The following GNG12 variants were observed in gnomAD, a reference collection of about 807,000 sequenced individuals.
GNG12 encodes guanine nucleotide-binding protein G(I)/G(S)/G(O) subunit gamma-12.
For missense variants in GNG12, 69 were observed against 83.8 expected (o/e 0.82, Z 0.69); for synonymous variants, 28 against 29.7 (o/e 0.94, Z 0.19).
At chr1:67,785,883 A>G (rs1216579479) in intron 1 of GNG12, among the ~76,000 whole-genome samples, 1 of 152,144 alleles carries the variant, frequency 6.6e-6, no homozygotes, top group Non-Finnish European at 1.5e-5. Flanking sequence ...TGATGCTTTT[A>G]TTTGCAAATT....
intron 1 of GNG12, among the ~76,000 whole-genome samples, chr1:67,809,860 T>G (rs982312801): frequency 1.3e-5 from 2 of 152,152 alleles, no homozygotes; most frequent in African/African-American, 4.8e-5. Flanking sequence ...GAAGACAGTT[T>G]GGCAGTTAAA....
intron 1 of GNG12, among the ~76,000 whole-genome samples, chr1:67,800,288 C>T (rs183220915): frequency 1.3e-4 from 20 of 152,218 alleles, no homozygotes; most frequent in Admixed American, 9.2e-4. Context: ...TCAGCAAAGT[C>T]GAAATATGGG....
intron 2 of GNG12, among the ~76,000 whole-genome samples, chr1:67,752,010 T>A (rs1646541529): frequency 6.6e-6 from 1 of 152,220 alleles, no homozygotes; most frequent in Admixed American, 6.5e-5. Flanking sequence ...CAGCAAGAGT[T>A]ATTACCAAGA....
At chr1:67,711,856 C>A (rs1321566310) in intron 2 of GNG12, among the ~76,000 whole-genome samples, 1 of 152,162 alleles carries the variant, frequency 6.6e-6, no homozygotes, top group Admixed American at 6.5e-5. Flanking sequence ...AAAAGCTGTA[C>A]ACTGGGCCAC....
intron 1 of GNG12, among the ~76,000 whole-genome samples, chr1:67,792,430 C>A (rs1570552896): frequency 5.3e-5 from 8 of 152,214 alleles, no homozygotes; most frequent in African/African-American, 1.9e-4. Flanking sequence ...TAAGATAAGG[C>A]ATGATTTTTA....
intron 2 of GNG12, among the ~76,000 whole-genome samples, chr1:67,756,649 C>A (rs1047772372): frequency 6.6e-6 from 1 of 152,118 alleles, no homozygotes; most frequent in Non-Finnish European, 1.5e-5. Context: ...TGTGATGTGA[C>A]GCTCCGCCTC....
At position 67,705,401 on chromosome 1, in the gene GNG12, C is replaced by A; in HGVS notation, c.*50G>T. Reference sequence around the variant, plus strand: ...GAAGGTAAATCTCTTCAAGGAGCTGCTCATAATTTGCGTTGTTGGGAAGAG... The same window carrying A: ...GAAGGTAAATCTCTTCAAGGAGCTGATCATAATTTGCGTTGTTGGGAAGAG... On this transcript the variant is annotated 3_prime_UTR_variant, in exon 4 of 4. Transcript: ENST00000370982. 1 of 1,602,176 alleles carries A rather than the reference C, an allele frequency of 6.2e-7. No individual in the cohort carries two copies. The highest frequency in any genetic ancestry group is 8.5e-7 in the Non-Finnish European group (1 of 1,175,062).
intron 1 of GNG12, among the ~76,000 whole-genome samples, chr1:67,810,527 T>G (rs560754066): frequency 6.6e-6 from 1 of 152,346 alleles, no homozygotes; most frequent in East Asian, 1.9e-4. Context: ...AGGAACTCTC[T>G]GTACTTTCTG....
At chr1:67,748,014 G>C (rs555250861) in intron 2 of GNG12, among the ~76,000 whole-genome samples, 2 of 152,226 alleles carry the variant, frequency 1.3e-5, no homozygotes, top group Non-Finnish European at 2.9e-5. Context: ...GAACCCAAAA[G>C]AGGGTGGCTG....
intron 1 of GNG12, among the ~76,000 whole-genome samples, chr1:67,792,208 A>G (rs1570552716): frequency 6.8e-6 from 1 of 146,366 alleles, no homozygotes. Context: ...TGGAATGTCA[A>G]TGCCGTAAGA....
chr1:67,776,889 A>C (rs1357504455), intron 2 of GNG12, among the ~76,000 whole-genome samples: 1 of 152,230 alleles, frequency 6.6e-6, no homozygotes, highest in African/African-American at 2.4e-5. Context: ...CCACAATATT[A>C]GGGAGTGATG....
intron 3 of GNG12, among the ~76,000 whole-genome samples, chr1:67,707,368 C>T (rs1646255592): frequency 6.6e-6 from 1 of 152,194 alleles, no homozygotes; most frequent in South Asian, 2.1e-4. Context: ...TTAGGAAATC[C>T]TGTCCAGAGT....
intron 1 of GNG12, among the ~76,000 whole-genome samples, chr1:67,819,086 A>ACT (rs892904453): frequency 6.6e-5 from 10 of 152,304 alleles, no homozygotes; most frequent in African/African-American, 2.4e-4. Context: ...TTAGGAAGCC[A>ACT]CAACAACAAT....
chr1:67,752,291 G>A (rs113087739), intron 2 of GNG12, among the ~76,000 whole-genome samples: 1 of 152,186 alleles, frequency 6.6e-6, no homozygotes, highest in Non-Finnish European at 1.5e-5. Flanking sequence ...TCTGGTTCCA[G>A]GTCTCACTGG....
intron 2 of GNG12, among the ~76,000 whole-genome samples, chr1:67,712,932 T>C (rs1467906167): frequency 7.9e-5 from 12 of 152,184 alleles, no homozygotes; most frequent in Admixed American, 5.9e-4. Flanking sequence ...TTTTACCACG[T>C]TGACCAGGCT....
At chr1:67,832,655 C>A (rs1457366100) in intron 1 of GNG12, among the ~76,000 whole-genome samples, 1 of 152,062 alleles carries the variant, frequency 6.6e-6, no homozygotes, top group Admixed American at 6.5e-5. Flanking sequence ...CTCCCCCTTA[C>A]CACTTGCAAA....
At chr1:67,717,509 C>A (rs1646332865) in intron 2 of GNG12, among the ~76,000 whole-genome samples, 1 of 144,204 alleles carries the variant, frequency 6.9e-6, no homozygotes. Flanking sequence ...AAGTGAGACT[C>A]TGTCAAAAAA....
intron 1 of GNG12, among the ~76,000 whole-genome samples, chr1:67,823,379 T>A (rs1283376922): frequency 1.3e-5 from 2 of 152,206 alleles, no homozygotes; most frequent in East Asian, 3.8e-4. Context: ...CATTAGCAAC[T>A]GGCATAAAAC....
At chr1:67,710,541 T>C (rs141481496) in intron 2 of GNG12, among the ~76,000 whole-genome samples, 1,883 of 152,194 alleles carry the variant, frequency 0.012, 12 homozygotes, top group Non-Finnish European at 0.021. Context: ...GGCATGGCCA[T>C]TGGCAAGCAG....
Sources: allele counts gnomAD v4.1 joint callset (sites outside exome capture counted in the v4.1 genomes callset), GRCh38; gene constraint gnomAD v4.1.1; transcripts MANE v1.5; gene names NCBI Gene and HGNC (gene_info 2026-07-23, HGNC 2026-07-21).